ARHGAP28: variants seen among roughly 807,000 people sequenced by gnomAD.
ARHGAP28 encodes Rho GTPase activating protein 28.
ARHGAP28 carries 56 observed loss-of-function variants against 90.7 expected under a neutral mutation model. The observed-to-expected ratio is 0.62, with a 90% confidence interval of 0.50 to 0.77. ARHGAP28 has a LOEUF of 0.77. ARHGAP28 is among the 30% of genes least tolerant of loss of function. ARHGAP28 has a pLI of 0.00. For synonymous variants in ARHGAP28, 308 were observed against 323.3 expected (o/e 0.95, Z 0.51); for missense variants, 869 against 900.9 (o/e 0.96, Z 0.45).
intron 1 of ARHGAP28, among the ~76,000 whole-genome samples, chr18:6,816,193 C>G (rs1730322052): frequency 6.6e-6 from 1 of 152,118 alleles, no homozygotes; most frequent in South Asian, 2.1e-4. Context: ...AGGCAGAAAC[C>G]CCTTCTGTGT....
rs368842280 is a variant in ARHGAP28 at position 6,887,228 on chromosome 18, G to C, written c.1525G>C (p.Asp509His). Residue 509 changes from aspartate to histidine, a missense_variant, in exon 12 of 18, where the codon GAT becomes CAT. Physicochemically the swap from Asp to His is moderately conservative, Grantham distance 81. Transcript: ENST00000383472. ...MVMALPDANR[D>H]AAQALMTFFN... The stretch of plus-strand genomic sequence containing the variant: ...CATGGCGCTGCCTGATGCCAACAGA[G>C]ATGCAGCTCAGGTACGTCGTGTCCA... The C allele has an allele frequency of 5.0e-6, 8 of 1,613,956 alleles. No individual in the cohort carries two copies. Among genetic ancestry groups the C allele is most frequent in the Non-Finnish European group, 5.9e-6 (7 of 1,180,002 alleles).
At chr18:6,839,362 C>T (rs552087088) in intron 3 of ARHGAP28, among the ~76,000 whole-genome samples, 3 of 149,786 alleles carry the variant, frequency 2.0e-5, no homozygotes, top group African/African-American at 4.9e-5. Flanking sequence ...GGCGCAATCT[C>T]GGCTCACTGC....
intron 1 of ARHGAP28, among the ~76,000 whole-genome samples, chr18:6,756,863 C>A (rs1045139279): frequency 1.3e-5 from 2 of 152,158 alleles, no homozygotes; most frequent in Non-Finnish European, 1.5e-5. Flanking sequence ...ATGAAGACCA[C>A]AAGACTCTGC....
At chr18:6,900,808 T>A (rs2057334426) in intron 16 of ARHGAP28, among the ~76,000 whole-genome samples, 1 of 152,124 alleles carries the variant, frequency 6.6e-6, no homozygotes, top group South Asian at 2.1e-4. Flanking sequence ...TCAAACTACA[T>A]CTTCAAGAAA....
chr18:6,912,800 A>C lies in ARHGAP28; in HGVS notation c.*646A>C, dbSNP rs139621852. 2.0e-5 allele frequency: 3 copies of C among 152,316 alleles called. No homozygotes were observed. Among genetic ancestry groups the C allele is most frequent in the Non-Finnish European group, 2.9e-5 (2 of 68,024 alleles). The allele number at this position is 152,316 out of a possible 1,614,324, so 9.4% of individuals were successfully genotyped here. A position where few individuals can be genotyped will look rare whatever the true frequency, so the allele number is the denominator to read the frequency against. ...TGGTGCAAATGAACTTTTCTCCATC[A>C]TCGACTGTGGAAAATTGATACTTTT... On this transcript the variant is annotated 3_prime_UTR_variant, in exon 18 of 18. Transcript: ENST00000383472.
chr18:6,835,383 C>T (rs1292699619), intron 2 of ARHGAP28, among the ~76,000 whole-genome samples: 5 of 152,170 alleles, frequency 3.3e-5, no homozygotes, highest in East Asian at 1.9e-4. Flanking sequence ...ACTTAGATTA[C>T]GGCTGCCAAT....
At chr18:6,753,486 A>T (rs1013856411) in intron 1 of ARHGAP28, among the ~76,000 whole-genome samples, 1 of 152,196 alleles carries the variant, frequency 6.6e-6, no homozygotes, top group African/African-American at 2.4e-5. Context: ...ATGCAATCTT[A>T]TGATTTACTC....
chr18:6,760,868 T>G (rs965636086), intron 1 of ARHGAP28, among the ~76,000 whole-genome samples: 1 of 152,238 alleles, frequency 6.6e-6, no homozygotes, highest in Admixed American at 6.5e-5. Flanking sequence ...TTTCCTGGAT[T>G]CATTTCATGT....
At chr18:6,793,372 C>T (rs754052826) in intron 1 of ARHGAP28, among the ~76,000 whole-genome samples, 11 of 152,208 alleles carry the variant, frequency 7.2e-5, no homozygotes, top group African/African-American at 9.6e-5. Flanking sequence ...AGGCCATGGA[C>T]GCTGTTCTTA....
chr18:6,875,063 G>A (rs2057120496), intron 9 of ARHGAP28: 1 of 152,206 alleles, frequency 6.6e-6, no homozygotes, highest in Non-Finnish European at 1.5e-5. Flanking sequence ...TGTCCTGTAT[G>A]TAAAGGACAG....
intron 1 of ARHGAP28, among the ~76,000 whole-genome samples, chr18:6,739,855 C>CTT (rs145660239): frequency 4.5e-5 from 6 of 134,806 alleles, no homozygotes; most frequent in Non-Finnish European, 6.4e-5. Flanking sequence ...CATAAGAATT[C>CTT]TTTTTTTTTT....
intron 17 of ARHGAP28, among the ~76,000 whole-genome samples, chr18:6,911,077 G>T (rs146915646): frequency 6.6e-6 from 1 of 151,954 alleles, no homozygotes; most frequent in African/African-American, 2.4e-5. Flanking sequence ...CTTGTGATCC[G>T]CCCACCTCGG....
At chr18:6,860,725 A>T (rs2056991943) in intron 5 of ARHGAP28, among the ~76,000 whole-genome samples, 1 of 152,200 alleles carries the variant, frequency 6.6e-6, no homozygotes. Flanking sequence ...TTGTTTAGGG[A>T]GATAATGCTG....
At chr18:6,900,211 A>G (rs1000895245) in intron 16 of ARHGAP28, among the ~76,000 whole-genome samples, 1 of 152,166 alleles carries the variant, frequency 6.6e-6, no homozygotes, top group Non-Finnish European at 1.5e-5. Flanking sequence ...CCAAAAAATG[A>G]AAATTAAATA....
rs764113814 is a variant in ARHGAP28, at chr18:6,890,455, T to C, written c.1760T>C (p.Val587Ala). The stretch of plus-strand genomic sequence containing the variant: ...GTTCCATCTTTCTTAATCACTCAAG[T>C]AAGAAGAATGAATGAAGCCACGATG... ...WKVPSFLITQ[V>A]RRMNEATMLL... is the part of the protein sequence containing the mutation. The change falls in exon 14 of 18, where the codon GTA (valine) becomes GCA (alanine). Residue 587 changes from valine (V) to alanine (A), a missense_variant. Physicochemically the swap from Val to Ala is moderately conservative, Grantham distance 64. Coordinates refer to ENST00000383472, the MANE Select transcript of ARHGAP28 (RefSeq NM_001366230.1). 1 of 1,612,278 alleles carries C rather than the reference T, an allele frequency of 6.2e-7. No homozygotes were observed. The highest frequency in any genetic ancestry group is 1.3e-5 in the African/African-American group (1 of 74,964).
intron 14 of ARHGAP28, among the ~76,000 whole-genome samples, chr18:6,891,122 G>A (rs2057261896): frequency 6.6e-6 from 1 of 152,226 alleles, no homozygotes; most frequent in Non-Finnish European, 1.5e-5. Flanking sequence ...TGAGGAGGAT[G>A]TGGAGATACT....
intron 1 of ARHGAP28, among the ~76,000 whole-genome samples, chr18:6,794,167 C>T (rs2143576280): frequency 6.6e-6 from 1 of 152,316 alleles, no homozygotes; most frequent in African/African-American, 2.4e-5. Context: ...CCACATACCC[C>T]ACTAAACATG....
intron 7 of ARHGAP28, among the ~76,000 whole-genome samples, chr18:6,871,038 G>A (rs981300142): frequency 9.9e-5 from 15 of 152,180 alleles, no homozygotes; most frequent in African/African-American, 2.9e-4. Flanking sequence ...CTGACCTCAC[G>A]ATCTGCCTGC....
At chr18:6,843,798 G>C (rs1470004254) in intron 3 of ARHGAP28, among the ~76,000 whole-genome samples, 1 of 152,170 alleles carries the variant, frequency 6.6e-6, no homozygotes, top group African/African-American at 2.4e-5. Flanking sequence ...GACAGGCAAG[G>C]TGAAGAATGA....
Sources: allele counts gnomAD v4.1 joint callset (sites outside exome capture counted in the v4.1 genomes callset), GRCh38; gene constraint gnomAD v4.1.1; transcripts MANE v1.5; gene names NCBI Gene and HGNC (gene_info 2026-07-23, HGNC 2026-07-21).